Variants in ZNF615 observed in about 807,000 individuals in gnomAD.
ZNF615 encodes the protein zinc finger protein 615.
In ZNF615, 15 loss-of-function variants were observed where a neutral mutation model predicts 15.3. The observed-to-expected ratio is 0.98, with a 90% confidence interval of 0.66 to 1.51. The LOEUF is 1.51. ZNF615 is among the 40% of genes most tolerant of loss of function. The pLI is 0.00. For synonymous variants in ZNF615, 268 were observed against 294.6 expected, an observed-to-expected ratio of 0.91 and a Z score of 0.92; for missense variants, 848 against 895.9, an observed-to-expected ratio of 0.95 and a Z score of 0.68.
intron 5 of ZNF615, among the ~76,000 whole-genome samples, chr19:52,001,549 C>T (rs919870687): frequency 7.6e-5 from 11 of 144,952 alleles, no homozygotes; most frequent in South Asian, 4.4e-4. Flanking sequence ...ACCCGGGAGG[C>T]GGAGGTTGCA....
intron 3 of ZNF615, 76 bp from the exon 4 acceptor site, chr19:52,002,357 G>T: frequency 6.2e-7 from 1 of 1,603,650 alleles, no homozygotes; most frequent in Non-Finnish European, 8.5e-7. Context: ...AAGTCATTCC[G>T]CTCATTTTCA....
intron 5 of ZNF615, among the ~76,000 whole-genome samples, chr19:52,001,479 G>A (rs1469409785): frequency 4.0e-5 from 6 of 151,894 alleles, no homozygotes; most frequent in South Asian, 2.1e-4. Flanking sequence ...TTAGCTGGGC[G>A]TGGTGGTACG....
At position 51,993,297 on chromosome 19, in the gene ZNF615, C is replaced by A; in HGVS notation, c.1812G>T (p.Glu604Asp). 2 of 1,614,136 alleles carry A rather than the reference C, an allele frequency of 1.2e-6. No individual in the cohort carries two copies. The highest frequency in any genetic ancestry group is 1.7e-6 in the Non-Finnish European group (2 of 1,180,020). ...CACATTCATTGCATATATAAGGTTT[C>A]TCCCCAGTATGAGTTCGCTGATGTG... ...LIAHQRTHTGEKPYICNECGK... is the reference protein window; with the variant it reads ...LIAHQRTHTGDKPYICNECGK... Residue 604 changes from glutamate (E) to aspartate (D), a missense_variant, in exon 7 of 7, where the codon GAG becomes GAT. Physicochemically the swap from Glu to Asp is conservative, Grantham distance 45 (BLOSUM62 2). Transcript: ENST00000598071.
intron 5 of ZNF615, 148 bp downstream of exon 5, chr19:52,001,665 T>A: frequency 5.0e-6 from 3 of 595,352 alleles, no homozygotes; most frequent in Non-Finnish European, 9.1e-6. Context: ...TTTTCCATAC[T>A]ATAACAAAAA....
chr19:52,001,895 G>A lies in ZNF615; in HGVS notation c.156C>T (p.Ser52=). ...CCAATTTGGAGAGTGCATCTGGTTT[G>A]CTGGCTTGATACCCTGTTCATGGGA... ...SNLVAVGYQA[S]KPDALSKLER... The change falls in exon 5 of 7, where the codon AGC becomes AGT. Residue 52 remains serine, a synonymous_variant. Coordinates refer to ENST00000598071, the MANE Select transcript of ZNF615 (RefSeq NM_001199324.2). 3 of 1,614,160 alleles carry A rather than the reference G, an allele frequency of 1.9e-6. No homozygotes were observed. Among genetic ancestry groups the A allele is most frequent in the Non-Finnish European group, 2.5e-6 (3 of 1,180,014 alleles).
intron 4 of ZNF615, 80 bp from the exon 5 acceptor site, chr19:52,001,988 G>A: frequency 6.3e-7 from 1 of 1,591,152 alleles, no homozygotes; most frequent in Non-Finnish European, 8.6e-7. Flanking sequence ...ACATTTTAAG[G>A]ACTACATAGG....
chr19:51,995,568 T>C (rs867194550), intron 6 of ZNF615, among the ~76,000 whole-genome samples: 20,455 of 146,628 alleles, frequency 0.14, 1,198 homozygotes, highest in South Asian at 0.25. Context: ...ACCTTCCTTT[T>C]TTTTTTTTTT....
chr19:52,007,276 T>C lies in ZNF615; in HGVS notation c.-190+17A>G. On this transcript the variant is annotated intron_variant, in intron 2 of 6. Coordinates refer to ENST00000598071, the MANE Select transcript of ZNF615 (RefSeq NM_001199324.2). Reference sequence around the variant, plus strand: ...CTGAAAATTTGACAAAGGTTATCTTTGAGTAACCGAGCTTACCATGGCAGA... The same window carrying C: ...CTGAAAATTTGACAAAGGTTATCTTCGAGTAACCGAGCTTACCATGGCAGA... 1 of 1,285,754 alleles carries C rather than the reference T, an allele frequency of 7.8e-7. No individual in the cohort carries two copies. The highest frequency in any genetic ancestry group is 1.0e-6 in the Non-Finnish European group (1 of 985,404). The allele number at this position is 1,285,754 out of a possible 1,614,324, so 79.6% of individuals were successfully genotyped here. A position where few individuals can be genotyped will look rare whatever the true frequency, so the allele number is the denominator to read the frequency against.
chr19:51,993,372 A>G lies in ZNF615; in HGVS notation c.1737T>C (p.Tyr579=). Residue 579 remains tyrosine, a synonymous_variant, in exon 7 of 7, where the codon TAT becomes TAC. Coordinates refer to ENST00000598071, the MANE Select transcript of ZNF615 (RefSeq NM_001199324.2). ...AGCCTTTGCCACATTCACTGCATACATAGGGTTTCTCTCCTGTATGAGTGC... is the reference window on the plus strand; with the variant it reads ...AGCCTTTGCCACATTCACTGCATACGTAGGGTTTCTCTCCTGTATGAGTGC... The part of the protein sequence containing the change: ...HRRTHTGEKP[Y]VCSECGKGLT... 1 of 1,614,070 alleles carries G rather than the reference A, an allele frequency of 6.2e-7. No individual in the cohort carries two copies. Among genetic ancestry groups the G allele is most frequent in the Non-Finnish European group, 8.5e-7 (1 of 1,180,018 alleles).
intron 6 of ZNF615, 44 bp from the exon 7 acceptor site, chr19:51,994,881 GA>G (rs1212373278): frequency 2.0e-6 from 3 of 1,496,996 alleles, no homozygotes; most frequent in Non-Finnish European, 2.7e-6. Flanking sequence ...ATCTTGTTTT[GA>G]AATAAACTAT....
rs202033804 is a variant in ZNF615, at chr19:51,994,851, G to A, written c.272-14C>T. The A allele has an allele frequency of 4.9e-5, 77 of 1,568,268 alleles. 1 individual carries two copies. In the East Asian group the frequency reaches 1.7e-3, roughly 34 times the overall value. ...TTTTCCTGATTTCTAGGAAAGAAGAGAACAGTCAATCACTCCATCATCTTG... is the reference window on the plus strand; with the variant it reads ...TTTTCCTGATTTCTAGGAAAGAAGAAAACAGTCAATCACTCCATCATCTTG... On this transcript the variant is annotated splice_polypyrimidine_tract_variant and intron_variant, in intron 6 of 6. Coordinates refer to ENST00000598071, the MANE Select transcript of ZNF615 (RefSeq NM_001199324.2).
chr19:52,001,933 T>A, intron 4 of ZNF615, 25 bp from the exon 5 acceptor site: 1 of 1,612,478 alleles, frequency 6.2e-7, no homozygotes, highest in South Asian at 1.1e-5. Flanking sequence ...TGACAGAAGA[T>A]TTAGACAAAT....
In ZNF615 at chr19:52,003,857, C is replaced by T; in HGVS notation, c.-146G>A. The T allele has an allele frequency of 6.8e-7, 1 of 1,478,480 alleles. No individual in the cohort carries two copies. Among genetic ancestry groups the T allele is most frequent in the Non-Finnish European group, 8.9e-7 (1 of 1,118,212 alleles). The allele number at this position is 1,478,480 out of a possible 1,614,324, so 91.6% of individuals were successfully genotyped here. The stretch of plus-strand genomic sequence containing the variant: ...TGACACCCAAGTCTTGGAAACTCCG[C>T]CTCCTTCCTTCACTTGATTTCTCTT... On this transcript the variant is annotated 5_prime_UTR_variant, in exon 3 of 7. Coordinates refer to ENST00000598071, the MANE Select transcript of ZNF615 (RefSeq NM_001199324.2).
chr19:52,007,846 AC>A (rs1727775489), intron 1 of ZNF615: 2 of 398,924 alleles, frequency 5.0e-6, no homozygotes, highest in African/African-American at 4.1e-5. Context: ...CCAGAATGTG[AC>A]TTGGGCACTC....
chr19:52,001,628 A>AG (rs1473493593), intron 5 of ZNF615, among the ~76,000 whole-genome samples, 185 bp downstream of exon 5: 5 of 151,286 alleles, frequency 3.3e-5, no homozygotes, highest in Non-Finnish European at 7.4e-5. Context: ...AAAAAAAAAA[A>AG]AAAAAAAGAA....
intron 6 of ZNF615, among the ~76,000 whole-genome samples, chr19:51,995,162 A>G (rs1307508977): frequency 6.6e-6 from 1 of 152,150 alleles, no homozygotes; most frequent in Non-Finnish European, 1.5e-5. Flanking sequence ...TCTCTTACAC[A>G]TTGGGAGAGA....
At chr19:52,001,968 AAGG>A in intron 4 of ZNF615, 60 bp from the exon 5 acceptor site, 1 of 1,604,346 alleles carries the variant, frequency 6.2e-7, no homozygotes, top group Non-Finnish European at 8.5e-7. Flanking sequence ...AATATTGAAA[AAGG>A]AGAGTTACAT....
chr19:51,994,319 T>A lies in ZNF615; in HGVS notation c.790A>T (p.Thr264Ser). The change falls in exon 7 of 7, where the codon ACT becomes TCT. Residue 264 changes from threonine (T) to serine (S), a missense_variant. Physicochemically the swap from Thr to Ser is moderately conservative, Grantham distance 58 (BLOSUM62 1). Coordinates refer to ENST00000598071, the MANE Select transcript of ZNF615 (RefSeq NM_001199324.2). ...TCATAATGTTTCAGTTCTGTATGAG[T>A]TCTCTGATGGTCCATTAGTCTGGAT... ...RKSRLMDHQR[T>S]HTELKHYECT... is the part of the protein sequence containing the mutation. 6.2e-7 allele frequency: 1 copy of A among 1,614,132 alleles called. No individual in the cohort carries two copies. Among genetic ancestry groups the A allele is most frequent in the Non-Finnish European group, 8.5e-7 (1 of 1,180,008 alleles).
chr19:52,005,071 C>T (rs1400929103), intron 2 of ZNF615, among the ~76,000 whole-genome samples: 3 of 152,058 alleles, frequency 2.0e-5, no homozygotes, highest in Non-Finnish European at 2.9e-5. Flanking sequence ...TCAGCCTGAC[C>T]AACATGGTGA....
Sources: gnomAD v4.1 joint callset for allele counts (sites outside exome capture counted in the v4.1 genomes callset) on GRCh38, gnomAD v4.1.1 for gene constraint, MANE v1.5 for transcripts, NCBI Gene and HGNC (gene_info 2026-07-23, HGNC 2026-07-21) for gene names.